Variants in NAALADL2 observed in about 807,000 individuals in gnomAD.
The protein encoded by NAALADL2 is inactive N-acetylated-alpha-linked acidic dipeptidase-like protein 2.
Under a neutral mutation model 87.2 loss-of-function variants are expected in NAALADL2, and 76 were observed. The observed-to-expected ratio is 0.87, with a 90% CI of 0.72 to 1.05. NAALADL2 has a LOEUF of 1.05. Among genes scored for constraint, NAALADL2 ranks in the 50% least tolerant of loss-of-function variants. The pLI is 0.00. For missense variants in NAALADL2, 1,089 were observed against 945.8 expected (o/e 1.15, Z -1.99); for synonymous variants, 354 against 331.0 (o/e 1.07, Z -0.75).
chr3:174,725,525 C>T (rs2108964842), intron 2 of NAALADL2, among the ~76,000 whole-genome samples: 1 of 152,212 alleles, frequency 6.6e-6, no homozygotes, highest in East Asian at 1.9e-4. Flanking sequence ...CCTGAAATTA[C>T]TTTTATAAAC....
chr3:175,123,292 A>G (rs1726422863), intron 2 of NAALADL2, among the ~76,000 whole-genome samples: 1 of 151,948 alleles, frequency 6.6e-6, no homozygotes, highest in Non-Finnish European at 1.5e-5. Flanking sequence ...CTTTTGAACT[A>G]AGCAATGACT....
chr3:174,506,539 A>G (rs1719216719), intron 1 of NAALADL2, among the ~76,000 whole-genome samples: 1 of 152,148 alleles, frequency 6.6e-6, no homozygotes, highest in Non-Finnish European at 1.5e-5. Context: ...TCTGATATTG[A>G]TAAACATTTA....
At chr3:174,882,784 T>TATATGCACAC (rs1560319552) in intron 1 of NAALADL2, among the ~76,000 whole-genome samples, 6 of 107,412 alleles carry the variant, frequency 5.6e-5, no homozygotes, top group African/African-American at 2.2e-4. Flanking sequence ...TATATACATA[T>TATATGCACAC]GTGTATATAT....
intron 2 of NAALADL2, among the ~76,000 whole-genome samples, chr3:175,114,794 G>A (rs965949372): frequency 6.6e-6 from 1 of 151,576 alleles, no homozygotes; most frequent in Non-Finnish European, 1.5e-5. Flanking sequence ...ATTACATAGT[G>A]CTTGTTTGTG....
At chr3:175,527,456 T>C (rs1472462172) in intron 9 of NAALADL2, among the ~76,000 whole-genome samples, 1 of 152,178 alleles carries the variant, frequency 6.6e-6, no homozygotes, top group Non-Finnish European at 1.5e-5. Context: ...TGAGAAATTA[T>C]TGTTGGATTA....
intron 2 of NAALADL2, among the ~76,000 whole-genome samples, chr3:175,223,358 T>A (rs1743681991): frequency 6.6e-6 from 1 of 151,928 alleles, no homozygotes; most frequent in Non-Finnish European, 1.5e-5. Context: ...TTTTTTTCAT[T>A]TCACATAATT....
At chr3:175,244,504 A>G (rs1747585629) in intron 3 of NAALADL2, among the ~76,000 whole-genome samples, 1 of 152,044 alleles carries the variant, frequency 6.6e-6, no homozygotes, top group Non-Finnish European at 1.5e-5. Context: ...GTTGAGCTGT[A>G]CGTTAGCTCA....
In NAALADL2 at chr3:175,581,968, A is replaced by G. The variant is rs145665444; in HGVS notation, c.1800+5781A>G. Among the ~76,000 whole-genome samples the G allele has an allele frequency of 1.4e-3, 208 of 152,308 alleles. 2 individuals carry two copies. Among genetic ancestry groups the G allele is most frequent in the African/African-American group, 4.7e-3 (197 of 41,568 alleles). Reference sequence around the variant, plus strand: ...AGTATTGCTATCCCATTCACCTGACAAACAGCATGAAGTAGAGAATAAAAC... The same window carrying G: ...AGTATTGCTATCCCATTCACCTGACGAACAGCATGAAGTAGAGAATAAAAC... On this transcript the variant is annotated intron_variant, in intron 10 of 13. Coordinates refer to ENST00000454872, the MANE Select transcript of NAALADL2 (RefSeq NM_207015.3).
chr3:174,784,187 TGTAAA>T (rs1238572501), intron 3 of NAALADL2, among the ~76,000 whole-genome samples: 1 of 152,210 alleles, frequency 6.6e-6, no homozygotes. Context: ...TGTATATTAA[TGTAAA>T]ATAATATCAC....
intron 10 of NAALADL2, among the ~76,000 whole-genome samples, chr3:175,599,461 A>T (rs747536020): frequency 2.6e-5 from 4 of 152,136 alleles, no homozygotes; most frequent in Non-Finnish European, 5.9e-5. Flanking sequence ...AATATGAAGG[A>T]TGAATCTGAA....
chr3:175,029,999 T>C (rs1752642837), intron 1 of NAALADL2, among the ~76,000 whole-genome samples: 1 of 152,124 alleles, frequency 6.6e-6, no homozygotes, highest in Non-Finnish European at 1.5e-5. Context: ...AGGAGGTTAG[T>C]GTCAGCGTGT....
intron 3 of NAALADL2, among the ~76,000 whole-genome samples, chr3:174,810,096 A>G (rs1322999930): frequency 3.9e-5 from 6 of 152,164 alleles, no homozygotes; most frequent in Non-Finnish European, 7.3e-5. Context: ...TGAGCCAATT[A>G]AACCTCTTTT....
intron 3 of NAALADL2, among the ~76,000 whole-genome samples, chr3:174,778,489 T>G (rs968865360): frequency 1.3e-5 from 2 of 152,044 alleles, no homozygotes; most frequent in Admixed American, 6.6e-5. Flanking sequence ...TTTATTTATT[T>G]ATGTTTATTA....
At chr3:174,696,833 T>G (rs1729064391) in intron 2 of NAALADL2, among the ~76,000 whole-genome samples, 1 of 152,034 alleles carries the variant, frequency 6.6e-6, no homozygotes, top group Non-Finnish European at 1.5e-5. Flanking sequence ...GTTTTAAAGT[T>G]TAACTCCTCA....
At chr3:174,503,488 C>T (rs1719030026) in intron 1 of NAALADL2, among the ~76,000 whole-genome samples, 2 of 152,048 alleles carry the variant, frequency 1.3e-5, no homozygotes, top group Non-Finnish European at 2.9e-5. Flanking sequence ...GGAGATCTGA[C>T]TTAATGTACT....
intron 3 of NAALADL2, among the ~76,000 whole-genome samples, chr3:174,741,722 A>G (rs1733786776): frequency 6.6e-6 from 1 of 151,658 alleles, no homozygotes; most frequent in Non-Finnish European, 1.5e-5. Context: ...CTAATTTTGT[A>G]AGTTTTTGAA....
intron 1 of NAALADL2, among the ~76,000 whole-genome samples, chr3:174,861,492 C>G (rs938811732): frequency 6.6e-6 from 1 of 152,034 alleles, no homozygotes; most frequent in African/African-American, 2.4e-5. Flanking sequence ...ATAAAAAATT[C>G]TGAGGTTCTT....
chr3:175,653,767 TTC>T (rs1009674451), intron 11 of NAALADL2, among the ~76,000 whole-genome samples: 18 of 152,172 alleles, frequency 1.2e-4, no homozygotes, highest in African/African-American at 4.3e-4. Context: ...TTTCATGAGG[TTC>T]TCTCTTTGGG....
intron 11 of NAALADL2, among the ~76,000 whole-genome samples, chr3:175,695,313 T>C (rs1325437697): frequency 1.3e-5 from 2 of 152,178 alleles, no homozygotes; most frequent in Non-Finnish European, 2.9e-5. Context: ...GTTGTAGTAA[T>C]GTTCATAGTG....
Sources: gnomAD v4.1 joint callset for allele counts (sites outside exome capture counted in the v4.1 genomes callset) on GRCh38, gnomAD v4.1.1 for gene constraint, MANE v1.5 for transcripts, NCBI Gene and HGNC (gene_info 2026-07-23, HGNC 2026-07-21) for gene names.